The following KDM5B variants were observed in gnomAD, a reference collection of about 807,000 sequenced individuals.
The protein encoded by KDM5B is lysine-specific demethylase 5B.
In KDM5B, 144 loss-of-function variants were observed where a neutral mutation model predicts 193.4. That is an observed-to-expected ratio of 0.74 (90% confidence interval 0.65 to 0.86). The LOEUF (loss-of-function observed/expected upper bound fraction) is 0.86. Ranked by LOEUF, KDM5B falls within the 40% of genes least tolerant of loss-of-function variation. The pLI is 0.00. For missense variants in KDM5B, 1,833 were observed against 1,886.9 expected (o/e 0.97, Z 0.53); for synonymous variants, 668 against 682.6 (o/e 0.98, Z 0.33).
chr1:202,782,273 AT>A (rs1657229180), intron 1 of KDM5B, among the ~76,000 whole-genome samples: 1 of 152,210 alleles, frequency 6.6e-6, no homozygotes, highest in African/African-American at 2.4e-5. Context: ...CTAGACTCCA[AT>A]AAAAAAATTA....
At chr1:202,762,916 T>A (rs897276678) in intron 6 of KDM5B, 108 bp from the exon 7 acceptor site, 2 of 694,890 alleles carry the variant, frequency 2.9e-6, no homozygotes, top group African/African-American at 3.5e-5. Flanking sequence ...ATGTGTGTTT[T>A]CACATTTTAG....
chr1:202,732,620 G>GTTTTTTTTTTTTTT (rs66482938), intron 23 of KDM5B, among the ~76,000 whole-genome samples: 1 of 147,984 alleles, frequency 6.8e-6, no homozygotes. Flanking sequence ...ATGACAGACT[G>GTTTTTTTTTTTTTT]TTTTTTTTTT....
At chr1:202,807,892 C>A (rs1037807470) in intron 1 of KDM5B, among the ~76,000 whole-genome samples, 1 of 152,062 alleles carries the variant, frequency 6.6e-6, no homozygotes, top group African/African-American at 2.4e-5. Flanking sequence ...CCGAAGCCCC[C>A]GGTTCTCCCA....
chr1:202,764,582 C>T (rs1414083563), intron 5 of KDM5B, among the ~76,000 whole-genome samples: 1 of 152,076 alleles, frequency 6.6e-6, no homozygotes, highest in Non-Finnish European at 1.5e-5. Context: ...CTGCAGTGAG[C>T]TGAGATGGTG....
At chr1:202,807,342 C>G (rs1658340302) in intron 1 of KDM5B, 1 of 152,220 alleles carries the variant, frequency 6.6e-6, no homozygotes, top group Admixed American at 6.5e-5. Flanking sequence ...CCACCGCCGC[C>G]CGTCCTGCCC....
chr1:202,797,517 C>A lies in KDM5B; in HGVS notation c.204+10585G>T, dbSNP rs139132017. On this transcript the variant is annotated intron_variant, in intron 1 of 26. Transcript: ENST00000367265. ...ATAAAAGAATAAAATATGATGGTGG[C>A]TCTTGTCCTAAAATATTTTCTTAAA... Among the ~76,000 whole-genome samples, 139 of 152,266 alleles carry A rather than the reference C, an allele frequency of 9.1e-4. 1 individual carries two copies. In the East Asian group the frequency reaches 0.017, roughly 19 times the overall value.
Position 202,745,957 on chromosome 1 carries a change from A to G in KDM5B, c.2224T>C (p.Tyr742His), listed in dbSNP as rs375398167. 49 of 1,612,618 alleles carry G rather than the reference A, an allele frequency of 3.0e-5. 1 individual carries two copies. The Middle Eastern group carries it at 4.9e-4, about 16-fold the overall frequency. The part of the protein sequence containing the change: ...LRYRYTLDDL[Y>H]PMMNALKLRA... ...AGCTTCAATGCATTCATCATAGGGT[A>G]GAGATCATCCAGCGTGTACCTATAC... Residue 742 changes from tyrosine to histidine, a missense_variant, in exon 16 of 27, where the codon TAC becomes CAC. This residue lies in a region of KDM5B where 1,379 missense variants were observed against 1,349.6 expected (regional missense o/e 1.02). Coordinates refer to ENST00000367265, the MANE Select transcript of KDM5B (RefSeq NM_006618.5).
chr1:202,745,782 T>C, intron 16 of KDM5B, 76 bp downstream of exon 16: 1 of 1,539,772 alleles, frequency 6.5e-7, no homozygotes, highest in Non-Finnish European at 9.0e-7. Context: ...CAAGAAATGT[T>C]TTGTTGACTT....
intron 20 of KDM5B, among the ~76,000 whole-genome samples, chr1:202,737,846 A>C (rs1363376757): frequency 6.6e-6 from 1 of 152,222 alleles, no homozygotes; most frequent in Non-Finnish European, 1.5e-5. Flanking sequence ...TGGGTTAGAC[A>C]AACAGCCATA....
In KDM5B at chr1:202,740,446, CGGGCGGGGGGCTG is replaced by C. The variant is rs1558484278; in HGVS notation, c.3084+215_3084+227del. On this transcript the variant is annotated intron_variant, in intron 20 of 26. Coordinates refer to ENST00000367265, the MANE Select transcript of KDM5B (RefSeq NM_006618.5). ...CTCCCTCCCGGACGGGGCGGCTGGC[CGGGCGGGGGGCTG>C]ACCCCCTCACCTCCCTCCCGGACGG... 3.9e-4 allele frequency among the ~76,000 whole-genome samples: 48 copies of C among 123,564 alleles called. 2 individuals are homozygous for C. The East Asian group carries it at 9.9e-3, about 25-fold the overall frequency. 81.1% of individuals were successfully genotyped at this position (123,564 alleles called of 152,430 possible). A position where few individuals can be genotyped will look rare whatever the true frequency, so the allele number is the denominator to read the frequency against.
chr1:202,732,564 T>A (rs1033557601), intron 23 of KDM5B, among the ~76,000 whole-genome samples: 1 of 152,106 alleles, frequency 6.6e-6, no homozygotes. Flanking sequence ...TGTCAGGCAC[T>A]GTATTTCAGA....
chr1:202,773,514 C>A (rs1656807948), intron 3 of KDM5B, among the ~76,000 whole-genome samples: 1 of 152,022 alleles, frequency 6.6e-6, no homozygotes, highest in South Asian at 2.1e-4. Flanking sequence ...AACATTTTGT[C>A]CCCTCTAAGC....
intron 4 of KDM5B, chr1:202,767,492 T>A: frequency 1.2e-6 from 1 of 809,050 alleles, no homozygotes; most frequent in Non-Finnish European, 2.1e-6. Context: ...CACCAAGACC[T>A]TTTTTTCACG....
chr1:202,747,099 C>A (rs1038757544), intron 14 of KDM5B, among the ~76,000 whole-genome samples: 1 of 152,144 alleles, frequency 6.6e-6, no homozygotes, highest in Non-Finnish European at 1.5e-5. Context: ...CGTTTATGAA[C>A]TACTGGGCTT....
chr1:202,738,325 G>A (rs979792471), intron 20 of KDM5B, among the ~76,000 whole-genome samples: 1 of 152,120 alleles, frequency 6.6e-6, no homozygotes, highest in Non-Finnish European at 1.5e-5. Context: ...TTCACCTTCT[G>A]GCTGCTAGCA....
At position 202,729,744 on chromosome 1, in the gene KDM5B, C is replaced by A; in HGVS notation, c.4460G>T (p.Cys1487Phe). 2 of 1,614,070 alleles carry A rather than the reference C, an allele frequency of 1.2e-6. No individual in the cohort carries two copies. The highest frequency in any genetic ancestry group is 1.7e-6 in the Non-Finnish European group (2 of 1,179,950). Residue 1487 changes from cysteine (C) to phenylalanine (F), a missense_variant, in exon 26 of 27, where the codon TGC (cysteine) becomes TTC (phenylalanine). Cys to Phe is a radical substitution (Grantham distance 205). Around this residue, in one of 3 missense-constraint regions of KDM5B, gnomAD observed 1,379 missense variants for 1,349.6 expected, o/e 1.02. Coordinates refer to ENST00000367265, the MANE Select transcript of KDM5B (RefSeq NM_006618.5). ...TGGCTGCAGGCAGCTCACAGCTGGGCAGATGGCATCTTCATCCTCAGAGTC... is the reference window on the plus strand; with the variant it reads ...TGGCTGCAGGCAGCTCACAGCTGGGAAGATGGCATCTTCATCCTCAGAGTC... Reference protein sequence around the residue: ...QEDSEDEDAICPAVSCLQPEG... With the variant: ...QEDSEDEDAIFPAVSCLQPEG...
chr1:202,729,740 T>G lies in KDM5B; in HGVS notation c.4464A>C (p.Pro1488=), dbSNP rs968850805. 1 of 1,614,052 alleles carries G rather than the reference T, an allele frequency of 6.2e-7. No individual in the cohort carries two copies. Among genetic ancestry groups the G allele is most frequent in the Non-Finnish European group, 8.5e-7 (1 of 1,179,946 alleles). The stretch of plus-strand genomic sequence containing the variant: ...CTTCTGGCTGCAGGCAGCTCACAGC[T>G]GGGCAGATGGCATCTTCATCCTCAG... The part of the protein sequence containing the change: ...EDSEDEDAIC[P]AVSCLQPEGD... The change falls in exon 26 of 27, where the codon CCA becomes CCC. Residue 1488 remains proline, a synonymous_variant. Coordinates refer to ENST00000367265, the MANE Select transcript of KDM5B (RefSeq NM_006618.5).
chr1:202,741,895 C>G (rs1445482227), intron 18 of KDM5B, among the ~76,000 whole-genome samples, 173 bp from the exon 19 acceptor site: 2 of 151,784 alleles, frequency 1.3e-5, no homozygotes, highest in African/African-American at 4.8e-5. Context: ...GTGACTATAA[C>G]AGACACCTTA....
intron 3 of KDM5B, 81 bp downstream of exon 3, chr1:202,774,532 G>T: frequency 7.3e-7 from 1 of 1,374,078 alleles, no homozygotes; most frequent in Non-Finnish European, 1.0e-6. Flanking sequence ...TGAGCAATAA[G>T]TTCCTTTTTA....
Sources: gnomAD v4.1 joint callset for allele counts (sites outside exome capture counted in the v4.1 genomes callset) on GRCh38, gnomAD v4.1.1 for gene constraint, gnomAD v4.1.1 regional missense constraint, MANE v1.5 for transcripts, NCBI Gene and HGNC (gene_info 2026-07-23, HGNC 2026-07-21) for gene names.